The following SLC6A7 variants were observed in gnomAD, a reference collection of about 807,000 sequenced individuals.
SLC6A7 encodes the protein solute carrier family 6 member 7.
SLC6A7 carries 58 observed loss-of-function variants against 73.1 expected under a neutral mutation model. The observed-to-expected ratio is 0.79, with a 90% CI of 0.64 to 0.99. The LOEUF (loss-of-function observed/expected upper bound fraction) is 0.99. SLC6A7 is among the 50% of genes least tolerant of loss of function. The pLI, the probability that SLC6A7 is intolerant of heterozygous loss-of-function variation, is 0.00. For missense variants in SLC6A7, 783 were observed against 831.4 expected, an observed-to-expected ratio of 0.94 and a Z score of 0.72; for synonymous variants, 338 against 338.7, an observed-to-expected ratio of 1.00 and a Z score of 0.02.
chr5:150,209,433 A>G lies in SLC6A7; in HGVS notation c.1729A>G (p.Met577Val). The stretch of plus-strand genomic sequence containing the variant: ...GCTCCAACAGGCCAGCCGGCCGGCC[A>G]TGGACTGGGGACCATCGCTGGAGGA... ...ERLQQASRPA[M>V]DWGPSLEENR... The change falls in exon 14 of 14, where the codon ATG becomes GTG. Residue 577 changes from methionine to valine, a missense_variant. Met to Val is a conservative substitution (Grantham distance 21). Transcript: ENST00000230671. The G allele has an allele frequency of 1.2e-6, 2 of 1,613,824 alleles. No individual in the cohort carries two copies. Among genetic ancestry groups the G allele is most frequent in the Non-Finnish European group, 1.7e-6 (2 of 1,180,010 alleles).
At chr5:150,198,104 A>T (rs1753150905) in intron 4 of SLC6A7, among the ~76,000 whole-genome samples, 1 of 101,656 alleles carries the variant, frequency 9.8e-6, no homozygotes, top group Admixed American at 8.7e-5. Context: ...AGAAAGAAAG[A>T]AAGAAAGAAA....
In SLC6A7 at chr5:150,204,512, G is replaced by A; in HGVS notation, c.1333-20G>A. The A allele has an allele frequency of 6.3e-7, 1 of 1,594,790 alleles. No homozygotes were observed. The highest frequency in any genetic ancestry group is 8.6e-7 in the Non-Finnish European group (1 of 1,162,376). On this transcript the variant is annotated intron_variant, in intron 10 of 13. Transcript: ENST00000230671. ...AACGAGGCCCAGGAAGGGGACACCA[G>A]AACTGTGCTTGTGTTTTAGGGGGGC...
chr5:150,208,125 G>A (rs1231991897), intron 13 of SLC6A7, among the ~76,000 whole-genome samples: 1 of 151,836 alleles, frequency 6.6e-6, no homozygotes, highest in African/African-American at 2.4e-5. Flanking sequence ...CTAAGTCCTT[G>A]TTCTCAGGGA....
Position 150,209,528 on chromosome 5 carries a change from GCGC to G in SLC6A7, c.1825_1827del (p.Arg609del). 6.2e-7 allele frequency: 1 copy of G among 1,614,214 alleles called. No individual in the cohort carries two copies. The highest frequency in any genetic ancestry group is 8.5e-7 in the Non-Finnish European group (1 of 1,180,036). On this transcript the variant is annotated inframe_deletion, in exon 14 of 14. Coordinates refer to ENST00000230671, the MANE Select transcript of SLC6A7 (RefSeq NM_014228.5). ...CACCAAAGCCACTGATGGTGCACAT[GCGC>G]AAGTACGGGGGCATCACCAGCTTCG...
In SLC6A7 at chr5:150,202,715, G is replaced by A; in HGVS notation, c.1087+12G>A. On this transcript the variant is annotated intron_variant, in intron 8 of 13. Transcript: ENST00000230671. ...AGTAGCCAAAGCAGGTGGGCAGGCTGCCAGGCCTCAGTGGGGTGAGCATGT... is the reference window on the plus strand; with the variant it reads ...AGTAGCCAAAGCAGGTGGGCAGGCTACCAGGCCTCAGTGGGGTGAGCATGT... 1.2e-6 allele frequency: 2 copies of A among 1,613,590 alleles called. No homozygotes were observed. Among genetic ancestry groups the A allele is most frequent in the Non-Finnish European group, 1.7e-6 (2 of 1,179,674 alleles).
intron 12 of SLC6A7, 119 bp from the exon 13 acceptor site, chr5:150,205,337 C>A (rs1753634842): frequency 1.3e-6 from 1 of 777,932 alleles, no homozygotes; most frequent in Non-Finnish European, 2.0e-6. Flanking sequence ...AGCTTAGGAT[C>A]CTGGGTAGCT....
chr5:150,198,531 G>T (rs1444313968), intron 4 of SLC6A7, among the ~76,000 whole-genome samples: 1 of 151,456 alleles, frequency 6.6e-6, no homozygotes, highest in Admixed American at 6.5e-5. Context: ...ACTGGCAGCT[G>T]CCAGGGTGGT....
chr5:150,193,417 C>A (rs756712310), intron 1 of SLC6A7, among the ~76,000 whole-genome samples: 1 of 152,238 alleles, frequency 6.6e-6, no homozygotes, highest in Non-Finnish European at 1.5e-5. Flanking sequence ...CTTCTTCCTG[C>A]TCATGAGCCA....
rs376919661 is a variant in SLC6A7 at position 150,209,439 on chromosome 5, T to C, written c.1735T>C (p.Trp579Arg). The stretch of plus-strand genomic sequence containing the variant: ...ACAGGCCAGCCGGCCGGCCATGGAC[T>C]GGGGACCATCGCTGGAGGAGAACCG... ...LQQASRPAMD[W>R]GPSLEENRTG... Residue 579 changes from tryptophan (W) to arginine (R), a missense_variant, in exon 14 of 14, where the codon TGG becomes CGG. Trp to Arg is a moderately radical substitution (Grantham distance 101). Coordinates refer to ENST00000230671, the MANE Select transcript of SLC6A7 (RefSeq NM_014228.5). 1 of 1,613,960 alleles carries C rather than the reference T, an allele frequency of 6.2e-7. No homozygotes were observed. Among genetic ancestry groups the C allele is most frequent in the Non-Finnish European group, 8.5e-7 (1 of 1,180,036 alleles).
Position 150,190,282 on chromosome 5 carries a change from T to A in SLC6A7, c.-46T>A. Reference sequence around the variant, plus strand: ...AGCGGACCATCTCTCGTGCCCTCGCTCTCTGCGCTCCGGGGCAGCTGAGCC... The same window carrying A: ...AGCGGACCATCTCTCGTGCCCTCGCACTCTGCGCTCCGGGGCAGCTGAGCC... On this transcript the variant is annotated 5_prime_UTR_variant, in exon 1 of 14. Transcript: ENST00000230671. The A allele has an allele frequency of 6.7e-7, 1 of 1,491,610 alleles. No individual in the cohort carries two copies. The highest frequency in any genetic ancestry group is 9.0e-7 in the Non-Finnish European group (1 of 1,115,694). The allele number at this position is 1,491,610 out of a possible 1,614,324, so 92.4% of individuals were successfully genotyped here. A position where few individuals can be genotyped will look rare whatever the true frequency, so the allele number is the denominator to read the frequency against.
Position 150,202,384 on chromosome 5 carries a change from T to G in SLC6A7, c.896T>G (p.Leu299Arg). 1.2e-6 allele frequency: 2 copies of G among 1,614,180 alleles called. No homozygotes were observed. The highest frequency in any genetic ancestry group is 1.7e-6 in the Non-Finnish European group (2 of 1,180,000). Reference protein sequence around the residue: ...IEAALQIFYSLGVGFGGLLTF... With the variant: ...IEAALQIFYSRGVGFGGLLTF... ...GCTGCTCTTCAGATCTTCTATTCCC[T>G]GGGTGTGGGCTTCGGGGGGCTCCTC... The change falls in exon 7 of 14, where the codon CTG (leucine) becomes CGG (arginine). Residue 299 changes from leucine to arginine, a missense_variant. Coordinates refer to ENST00000230671, the MANE Select transcript of SLC6A7 (RefSeq NM_014228.5).
intron 10 of SLC6A7, 31 bp from the exon 11 acceptor site, chr5:150,204,501 A>T (rs1033113028): frequency 6.5e-6 from 10 of 1,532,186 alleles, no homozygotes; most frequent in Admixed American, 5.0e-5. Context: ...AGGCCCAGGA[A>T]GGGGACACCA....
intron 13 of SLC6A7, 119 bp from the exon 14 acceptor site, chr5:150,209,287 G>T (rs1307995188): frequency 2.5e-6 from 2 of 812,358 alleles, no homozygotes; most frequent in East Asian, 2.6e-5. Context: ...CCGCCAGGGG[G>T]CTGTGGCCAG....
At position 150,196,803 on chromosome 5, in the gene SLC6A7, GC is replaced by G; in HGVS notation, c.307del (p.Leu103Ter). 6.2e-7 allele frequency: 1 copy of G among 1,614,140 alleles called. No homozygotes were observed. On this transcript the variant is annotated frameshift_variant, in exon 3 of 14. Coordinates refer to ENST00000230671, the MANE Select transcript of SLC6A7 (RefSeq NM_014228.5). LOFTEE classifies it high-confidence loss of function. ...FLELSLGQFSSLGPLAVWKIS... is the reference protein window; with the variant it reads ...FLELSLGQFSXLGPLAVWKIS... ...GAGCTCTCCCTGGGCCAGTTCTCCA[GC>G]CTAGGGCCCCTGGCTGTCTGGAAAA... is the stretch of plus-strand genomic sequence containing the variant.
At chr5:150,198,063 G>T (rs1244651014) in intron 4 of SLC6A7, among the ~76,000 whole-genome samples, 1 of 78,684 alleles carries the variant, frequency 1.3e-5, no homozygotes, top group East Asian at 3.0e-4. Context: ...AAGAAAGAAA[G>T]AAAGAAAGAA....
chr5:150,191,688 C>T (rs932286593), intron 1 of SLC6A7, among the ~76,000 whole-genome samples: 9 of 152,114 alleles, frequency 5.9e-5, no homozygotes, highest in African/African-American at 2.2e-4. Context: ...CCTCGGCCTC[C>T]CAAAGTGCTG....
At chr5:150,209,265 C>A in intron 13 of SLC6A7, 141 bp from the exon 14 acceptor site, 1 of 691,246 alleles carries the variant, frequency 1.4e-6, no homozygotes, top group Non-Finnish European at 2.5e-6. Flanking sequence ...AGTCATAGTG[C>A]CCCCCACTTC....
intron 6 of SLC6A7, 120 bp downstream of exon 6, chr5:150,201,343 T>A (rs970059718): frequency 7.8e-6 from 4 of 513,620 alleles, no homozygotes; most frequent in African/African-American, 2.0e-5. Context: ...GCGTCTTTTT[T>A]ATTTATTATT....
chr5:150,193,932 T>C (rs770341728), intron 1 of SLC6A7, among the ~76,000 whole-genome samples: 3 of 152,204 alleles, frequency 2.0e-5, no homozygotes, highest in Non-Finnish European at 2.9e-5. Context: ...GGGTATGTCA[T>C]GACACCTCTT....
Sources: gnomAD v4.1 joint callset for allele counts (sites outside exome capture counted in the v4.1 genomes callset) on GRCh38, gnomAD v4.1.1 for gene constraint, MANE v1.5 for transcripts, NCBI Gene and HGNC (gene_info 2026-07-23, HGNC 2026-07-21) for gene names.